Variants in KIRREL3 observed in about 807,000 individuals in gnomAD.
KIRREL3 encodes kin of IRRE-like protein 3.
A neutral mutation model predicts 89.7 loss-of-function variants in KIRREL3; 36 were observed. The ratio of observed to expected loss-of-function variants is 0.40; its 90% CI spans 0.31 to 0.53. The LOEUF (loss-of-function observed/expected upper bound fraction) is 0.53, where lower values mean the gene tolerates loss of function less well. Ranked by LOEUF, KIRREL3 falls within the 20% of genes least tolerant of loss-of-function variation. The pLI is 0.49. For missense variants in KIRREL3, 864 were observed against 1,056.6 expected (o/e 0.82, Z 2.53); for synonymous variants, 445 against 441.4 (o/e 1.01, Z -0.10).
At chr11:126,749,594 A>G (rs1396125045) in intron 1 of KIRREL3, among the ~76,000 whole-genome samples, 4 of 152,152 alleles carry the variant, frequency 2.6e-5, no homozygotes, top group African/African-American at 9.7e-5. Context: ...CTTCTTTACC[A>G]AAGTCTTCTG....
rs1948912635 is a variant in KIRREL3, at chr11:126,739,585, C to T, written c.56-176673G>A. ...GTTCATACTCTTCCTGAAGGTATGT[C>T]ACCTGGCTTTGTATGACAGCATGTT... On this transcript the variant is annotated intron_variant, in intron 1 of 16. Transcript: ENST00000525144. This position sits in a 1 kb window ranked among gnomAD's most constrained non-coding sequence, Gnocchi z 5.5. Among the ~76,000 whole-genome samples the T allele has an allele frequency of 6.6e-6, 1 of 152,176 alleles. No individual in the cohort carries two copies. The highest frequency in any genetic ancestry group is 6.5e-5 in the Admixed American group (1 of 15,268).
chr11:126,878,288 G>T (rs894737814), intron 1 of KIRREL3, among the ~76,000 whole-genome samples: 4 of 152,160 alleles, frequency 2.6e-5, no homozygotes, highest in African/African-American at 9.7e-5. Flanking sequence ...AAAATAGTGT[G>T]TAGTGAGAAC....
intron 1 of KIRREL3, among the ~76,000 whole-genome samples, chr11:126,733,299 T>C (rs1414151401): frequency 6.6e-6 from 1 of 152,188 alleles, no homozygotes; most frequent in Non-Finnish European, 1.5e-5. Flanking sequence ...ACCTCAGTCA[T>C]GGTCAAGACC....
chr11:126,787,640 G>A (rs1950521602), intron 1 of KIRREL3, among the ~76,000 whole-genome samples: 2 of 152,134 alleles, frequency 1.3e-5, no homozygotes. Flanking sequence ...GGAAGGGATG[G>A]TACAGCTTGG....
At chr11:126,974,027 A>C (rs1949503496) in intron 1 of KIRREL3, among the ~76,000 whole-genome samples, 1 of 152,188 alleles carries the variant, frequency 6.6e-6, no homozygotes, top group East Asian at 1.9e-4. Flanking sequence ...CCCTGAGGGC[A>C]GGTGCCACAT....
chr11:126,539,274 C>T lies in KIRREL3; in HGVS notation c.134-12587G>A, dbSNP rs74798100. ...TTACAAGCCTAGCAGGCTGGGTGCA[C>T]GGAGCATGTGTGTGCAGACTCTCTT... is the stretch of plus-strand genomic sequence containing the variant. On this transcript the variant is annotated intron_variant, in intron 2 of 16. Coordinates refer to ENST00000525144, the MANE Select transcript of KIRREL3 (RefSeq NM_032531.4). Among the ~76,000 whole-genome samples the T allele has an allele frequency of 4.6e-3, 700 of 152,268 alleles. 2 individuals are homozygous for T. The highest frequency in any genetic ancestry group is 0.016 in the African/African-American group (667 of 41,564).
At position 126,639,942 on chromosome 11, in the gene KIRREL3, T is replaced by C. The variant is rs1944405651; in HGVS notation, c.56-77030A>G. ...TTAATTGGGAACACTTTAATATAGA[T>C]ATCCATTAACTTATGCTAAATTACA... On this transcript the variant is annotated intron_variant, in intron 1 of 16. Transcript: ENST00000525144. This position sits in a 1 kb window ranked among gnomAD's most constrained non-coding sequence, Gnocchi z 4.3. Among the ~76,000 whole-genome samples, 1 of 152,214 alleles carries C rather than the reference T, an allele frequency of 6.6e-6. No homozygotes were observed. Among genetic ancestry groups the C allele is most frequent in the African/African-American group, 2.4e-5 (1 of 41,448 alleles).
chr11:126,450,395 ATGTG>A (rs1164478627), intron 7 of KIRREL3, among the ~76,000 whole-genome samples: 38 of 116,332 alleles, frequency 3.3e-4, no homozygotes, highest in Admixed American at 3.1e-3. Flanking sequence ...GAGTGTGGGT[ATGTG>A]TGAGTGTGTG....
intron 2 of KIRREL3, among the ~76,000 whole-genome samples, chr11:126,546,773 T>C (rs186883004): frequency 1.3e-5 from 2 of 152,312 alleles, no homozygotes; most frequent in East Asian, 3.9e-4. Context: ...CCTTGCATCC[T>C]GTGGTGCTTT....
rs897598459 is a variant in KIRREL3, at chr11:126,562,524, A to T, written c.133+311T>A. Among the ~76,000 whole-genome samples the T allele has an allele frequency of 5.3e-5, 8 of 152,170 alleles. No individual in the cohort carries two copies. Among genetic ancestry groups the T allele is most frequent in the Admixed American group, 3.9e-4 (6 of 15,276 alleles). On this transcript the variant is annotated intron_variant, in intron 2 of 16. Coordinates refer to ENST00000525144, the MANE Select transcript of KIRREL3 (RefSeq NM_032531.4). This position sits in a 1 kb window ranked among gnomAD's most constrained non-coding sequence, Gnocchi z 4.7. ...AGAAATGAAAATAGGAGCAGATTTAATTGGGCTGGCTGTGGGGTGGGGTGC... is the reference window on the plus strand; with the variant it reads ...AGAAATGAAAATAGGAGCAGATTTATTTGGGCTGGCTGTGGGGTGGGGTGC...
intron 1 of KIRREL3, among the ~76,000 whole-genome samples, chr11:126,785,017 G>A (rs1950442675): frequency 6.6e-6 from 1 of 152,166 alleles, no homozygotes; most frequent in African/African-American, 2.4e-5. Flanking sequence ...AAAGCCCAGT[G>A]TGTTAAGGGG....
In KIRREL3 at chr11:126,535,669, T is replaced by C. The variant is rs1565531666; in HGVS notation, c.134-8982A>G. ...TCTCCAGCCAGACATTTGCTGCTTC[T>C]ATTCCTTATCAAGCACTTAAGATTT... On this transcript the variant is annotated intron_variant, in intron 2 of 16. Transcript: ENST00000525144. This position sits in a 1 kb window ranked among gnomAD's most constrained non-coding sequence, Gnocchi z 4.5. Among the ~76,000 whole-genome samples, 2 of 152,168 alleles carry C rather than the reference T, an allele frequency of 1.3e-5. No individual in the cohort carries two copies. The highest frequency in any genetic ancestry group is 2.9e-5 in the Non-Finnish European group (2 of 68,040).
In KIRREL3 at chr11:126,485,110, C is replaced by T. The variant is rs976722799; in HGVS notation, c.434-11644G>A. 8.6e-5 allele frequency among the ~76,000 whole-genome samples: 13 copies of T among 152,028 alleles called. No individual in the cohort carries two copies. Among genetic ancestry groups the T allele is most frequent in the East Asian group, 1.9e-4 (1 of 5,190 alleles). On this transcript the variant is annotated intron_variant, in intron 4 of 16. Coordinates refer to ENST00000525144, the MANE Select transcript of KIRREL3 (RefSeq NM_032531.4). The surrounding 1 kb of genome is among the most constrained non-coding windows in gnomAD (Gnocchi z 5.8). ...CTGGGATTACAGCTGTGAGCCACTG[C>T]GCCCGGCCACAAGTGGGATTGTTAA...
At chr11:126,911,931 C>T (rs1002570277) in intron 1 of KIRREL3, among the ~76,000 whole-genome samples, 5 of 138,540 alleles carry the variant, frequency 3.6e-5, no homozygotes, top group South Asian at 4.6e-4. Flanking sequence ...TGCAGTGAGC[C>T]GAGATGGCAC....
rs1292489002 is a variant in KIRREL3 at position 126,495,935 on chromosome 11, A to C, written c.434-22469T>G. ...TAATTGCTGTGGGCTCCACCTTTGA[A>C]ACATGCACAGATCATCCTTTCTCAG... On this transcript the variant is annotated intron_variant, in intron 4 of 16. Transcript: ENST00000525144. The surrounding 1 kb of genome is among the most constrained non-coding windows in gnomAD (Gnocchi z 6.5). Among the ~76,000 whole-genome samples, 1 of 152,170 alleles carries C rather than the reference A, an allele frequency of 6.6e-6. No individual in the cohort carries two copies. Among genetic ancestry groups the C allele is most frequent in the Non-Finnish European group, 1.5e-5 (1 of 68,030 alleles).
At position 126,520,657 on chromosome 11, in the gene KIRREL3, T is replaced by A. The variant is rs989889135; in HGVS notation, c.433+658A>T. ...CGGTTTAAGAGGTCACCGAGCCCAT[T>A]CCCCTGTCTTCAGGCAAGATGATCC... On this transcript the variant is annotated intron_variant, in intron 4 of 16. Transcript: ENST00000525144. This position sits in a 1 kb window ranked among gnomAD's most constrained non-coding sequence, Gnocchi z 4.9. 2.0e-5 allele frequency among the ~76,000 whole-genome samples: 3 copies of A among 152,108 alleles called. No individual in the cohort carries two copies. The highest frequency in any genetic ancestry group is 7.2e-5 in the African/African-American group (3 of 41,408).
chr11:126,665,131 G>A (rs1310582653), intron 1 of KIRREL3, among the ~76,000 whole-genome samples: 4 of 152,090 alleles, frequency 2.6e-5, no homozygotes, highest in African/African-American at 7.2e-5. Context: ...CCTGCCTGAG[G>A]TGAGGCTCAA....
chr11:126,568,042 G>C lies in KIRREL3; in HGVS notation c.56-5130C>G, dbSNP rs1241229868. Among the ~76,000 whole-genome samples the C allele has an allele frequency of 3.3e-5, 5 of 152,218 alleles. No individual in the cohort carries two copies. The East Asian group carries it at 9.6e-4, about 29-fold the overall frequency. ...TCCCACCTGAAGCTAGTAGACTCGA[G>C]CACGTCTCTGGAAGCCTATCAAACA... On this transcript the variant is annotated intron_variant, in intron 1 of 16. Transcript: ENST00000525144. This position sits in a 1 kb window ranked among gnomAD's most constrained non-coding sequence, Gnocchi z 4.6.
In KIRREL3 at chr11:126,996,015, C is replaced by G. The variant is rs1302190206; in HGVS notation, c.55+4440G>C. Among the ~76,000 whole-genome samples, 2 of 152,150 alleles carry G rather than the reference C, an allele frequency of 1.3e-5. No homozygotes were observed. The highest frequency in any genetic ancestry group is 2.9e-5 in the Non-Finnish European group (2 of 68,028). ...GTATCCTCTTAGAGCAATGTGAAGGCCTTGACCCCACCCCACTCGTCCTCC... is the reference window on the plus strand; with the variant it reads ...GTATCCTCTTAGAGCAATGTGAAGGGCTTGACCCCACCCCACTCGTCCTCC... On this transcript the variant is annotated intron_variant, in intron 1 of 16. Transcript: ENST00000525144. The surrounding 1 kb of genome is among the most constrained non-coding windows in gnomAD (Gnocchi z 4.7).
Sources: allele counts gnomAD v4.1 joint callset (sites outside exome capture counted in the v4.1 genomes callset), GRCh38; gene constraint gnomAD v4.1.1; non-coding constraint Gnocchi (gnomAD v3.1); transcripts MANE v1.5; gene names NCBI Gene and HGNC (gene_info 2026-07-23, HGNC 2026-07-21).